The following LONRF2 variants were observed in gnomAD, a reference collection of about 807,000 sequenced individuals.
LONRF2 encodes LON peptidase N-terminal domain and RING finger protein 2.
In LONRF2, 35 loss-of-function variants were observed where a neutral mutation model predicts 66.6. That is an observed-to-expected ratio of 0.53 (90% CI 0.40 to 0.70). LONRF2 has a LOEUF of 0.70. LONRF2 is among the 30% of genes least tolerant of loss of function. The pLI is 0.00. For missense variants in LONRF2, 902 were observed against 1,002.1 expected, an observed-to-expected ratio of 0.90 and a Z score of 1.35; for synonymous variants, 417 against 418.1, an observed-to-expected ratio of 1.00 and a Z score of 0.03.
chr2:100,309,864 G>C (rs1675374211), intron 1 of LONRF2, among the ~76,000 whole-genome samples: 1 of 151,930 alleles, frequency 6.6e-6, no homozygotes, highest in South Asian at 2.1e-4. Flanking sequence ...GTAGAGATGG[G>C]GTTTCACCAT....
At chr2:100,297,863 A>G (rs1369251057) in intron 7 of LONRF2, among the ~76,000 whole-genome samples, 1 of 152,256 alleles carries the variant, frequency 6.6e-6, no homozygotes, top group Non-Finnish European at 1.5e-5. Flanking sequence ...AATTGTAACT[A>G]GTTATTTTAA....
chr2:100,286,117 G>GA (rs925425040), intron 11 of LONRF2, among the ~76,000 whole-genome samples: 24 of 149,444 alleles, frequency 1.6e-4, no homozygotes, highest in South Asian at 4.3e-4. Flanking sequence ...TCTGTGTTTG[G>GA]AAAAAAAAAG....
At chr2:100,318,126 A>G (rs1309412058) in intron 1 of LONRF2, among the ~76,000 whole-genome samples, 1 of 152,156 alleles carries the variant, frequency 6.6e-6, no homozygotes, top group East Asian at 1.9e-4. Flanking sequence ...TGTGTCTCAC[A>G]TAACTCCCAT....
Position 100,322,241 on chromosome 2 carries a change from G to C in LONRF2, c.-148C>G. On this transcript the variant is annotated 5_prime_UTR_variant, in exon 1 of 12. Coordinates refer to ENST00000393437, the MANE Select transcript of LONRF2 (RefSeq NM_198461.4). ...GGGGCGGCGCGCTGCGAGCGGCTGA[G>C]ACCGCGGGCGGGGGCGGGCGCCTGG... The C allele has an allele frequency of 1.4e-5, 10 of 697,252 alleles. No homozygotes were observed. Among genetic ancestry groups the C allele is most frequent in the Non-Finnish European group, 7.4e-6 (4 of 537,214 alleles). 43.2% of individuals were successfully genotyped at this position (697,252 alleles called of 1,614,324 possible).
At chr2:100,312,240 T>TA (rs1675424547) in intron 1 of LONRF2, among the ~76,000 whole-genome samples, 1 of 152,204 alleles carries the variant, frequency 6.6e-6, no homozygotes, top group African/African-American at 2.4e-5. Context: ...GTATTTTCCT[T>TA]AAAATTGTCC....
Position 100,302,927 on chromosome 2 carries a change from T to A in LONRF2, c.915A>T (p.Ala305=), listed in dbSNP as rs755040451. The A allele has an allele frequency of 1.9e-6, 3 of 1,601,460 alleles. No homozygotes were observed. The highest frequency in any genetic ancestry group is 2.6e-6 in the Non-Finnish European group (3 of 1,173,522). ...CCTTTAACAGAACTCATACCTTCTG[T>A]GCTTCTTTCTTCACAGAGTTACATT... ...NPECNSVKKE[A]QKVMCEVLFS... is the part of the protein sequence containing the mutation. The change falls in exon 3 of 12, where the codon GCA becomes GCT. Residue 305 remains alanine, a synonymous_variant. Coordinates refer to ENST00000393437, the MANE Select transcript of LONRF2 (RefSeq NM_198461.4).
rs1450660336 is a variant in LONRF2, at chr2:100,290,520, C to T, written c.1758-100G>A. ...TACTTTTAAAAGGAATACAAAGCCACACAAAACAGTGTCTCCACATCAGAC... is the reference window on the plus strand; with the variant it reads ...TACTTTTAAAAGGAATACAAAGCCATACAAAACAGTGTCTCCACATCAGAC... On this transcript the variant is annotated intron_variant, in intron 9 of 11. Transcript: ENST00000393437. 5 of 1,231,092 alleles carry T rather than the reference C, an allele frequency of 4.1e-6. No individual in the cohort carries two copies. The African/African-American group carries it at 7.5e-5, about 19-fold the overall frequency. 76.3% of individuals were successfully genotyped at this position (1,231,092 alleles called of 1,614,324 possible). A position where few individuals can be genotyped will look rare whatever the true frequency, so the allele number is the denominator to read the frequency against.
rs1004097279 is a variant in LONRF2, at chr2:100,277,245, T to C, written c.*7053A>G. The C allele has an allele frequency of 6.6e-6, 1 of 152,164 alleles. No homozygotes were observed. The highest frequency in any genetic ancestry group is 2.4e-5 in the African/African-American group (1 of 41,414). 9.4% of individuals were successfully genotyped at this position (152,164 alleles called of 1,614,324 possible). On this transcript the variant is annotated 3_prime_UTR_variant, in exon 12 of 12. Transcript: ENST00000393437. Reference sequence around the variant, plus strand: ...GTCTCTGGCCCACTTAGGATGGACATAAGGTGCCTAAGGGCTTTGGATGCA... The same window carrying C: ...GTCTCTGGCCCACTTAGGATGGACACAAGGTGCCTAAGGGCTTTGGATGCA...
chr2:100,296,166 A>G (rs780924401), intron 7 of LONRF2, among the ~76,000 whole-genome samples: 6 of 152,098 alleles, frequency 3.9e-5, no homozygotes, highest in Admixed American at 6.5e-5. Context: ...TGGAAGGGCC[A>G]CAATGTGGCT....
rs1463570565 is a variant in LONRF2 at position 100,286,953 on chromosome 2, A to G, written c.2031T>C (p.Ser677=). 6.2e-7 allele frequency: 1 copy of G among 1,614,104 alleles called. No homozygotes were observed. The highest frequency in any genetic ancestry group is 2.2e-5 in the East Asian group (1 of 44,872). ...CTCTGTCTGGCATTACCCCAAAATG[A>G]CTTAAAATTTGTTCTTTCATGCGAT... ...LQDRMKEQIL[S]HFGVMPDREP... is the part of the protein sequence containing the mutation. Residue 677 remains serine, a synonymous_variant, in exon 11 of 12, where the codon AGT becomes AGC. Transcript: ENST00000393437.
Position 100,274,791 on chromosome 2 carries a change from C to T in LONRF2, c.*9507G>A, listed in dbSNP as rs887397238. The T allele has an allele frequency of 3.3e-5, 5 of 152,998 alleles. No individual in the cohort carries two copies. Among genetic ancestry groups the T allele is most frequent in the African/African-American group, 9.6e-5 (4 of 41,604 alleles). 9.5% of individuals were successfully genotyped at this position (152,998 alleles called of 1,614,324 possible). ...CATGGAGACACAGTGGAAAGCTGCT[C>T]GCCTAGTTCTGCCTCCTGACCACTC... On this transcript the variant is annotated 3_prime_UTR_variant, in exon 12 of 12. Transcript: ENST00000393437.
At chr2:100,305,199 AAAAC>A (rs1228433455) in intron 2 of LONRF2, among the ~76,000 whole-genome samples, 5 of 152,208 alleles carry the variant, frequency 3.3e-5, no homozygotes, top group Admixed American at 2.6e-4. Flanking sequence ...GACAAAACAA[AAAAC>A]AAACAAACAA....
At chr2:100,321,169 G>A (rs995491329) in intron 1 of LONRF2, among the ~76,000 whole-genome samples, 2 of 152,152 alleles carry the variant, frequency 1.3e-5, no homozygotes, top group Admixed American at 6.5e-5. Context: ...GAGCTGCTCC[G>A]GGGGCCGCGG....
rs1157780933 is a variant in LONRF2, at chr2:100,280,398, A to G, written c.*3900T>C. 6.6e-6 allele frequency: 1 copy of G among 152,182 alleles called. No individual in the cohort carries two copies. Among genetic ancestry groups the G allele is most frequent in the Non-Finnish European group, 1.5e-5 (1 of 68,062 alleles). 9.4% of individuals were successfully genotyped at this position (152,182 alleles called of 1,614,324 possible). ...TGGGAATTAGTTTTTGGTGAACAAT[A>G]GAATCAGAATGTGGCCTTTGGGAAG... On this transcript the variant is annotated 3_prime_UTR_variant, in exon 12 of 12. Coordinates refer to ENST00000393437, the MANE Select transcript of LONRF2 (RefSeq NM_198461.4).
chr2:100,287,115 A>G (rs568819213), intron 10 of LONRF2, 52 bp from the exon 11 acceptor site: 2 of 1,553,240 alleles, frequency 1.3e-6, no homozygotes, highest in Non-Finnish European at 1.7e-6. Flanking sequence ...TAATGCACGT[A>G]ACACAGTCAG....
chr2:100,295,840 A>G lies in LONRF2; in HGVS notation c.1477-287T>C, dbSNP rs114872165. 4.7e-3 allele frequency among the ~76,000 whole-genome samples: 714 copies of G among 152,332 alleles called. 2 individuals carry two copies. The highest frequency in any genetic ancestry group is 7.3e-3 in the Non-Finnish European group (494 of 68,026). Reference sequence around the variant, plus strand: ...CCATGATGTTGGTGAGAGGGGAGGAAGTGAAGTAGGGCATGTTGGGAGAGG... The same window carrying G: ...CCATGATGTTGGTGAGAGGGGAGGAGGTGAAGTAGGGCATGTTGGGAGAGG... On this transcript the variant is annotated intron_variant, in intron 7 of 11. Transcript: ENST00000393437.
In LONRF2 at chr2:100,300,255, T is replaced by TA. The variant is rs574615010; in HGVS notation, c.1066-338_1066-337insT. The stretch of plus-strand genomic sequence containing the variant: ...ATTCAAATCATCCCTTTGCTTTATT[T>TA]TTTTTTAAATTACACTTTAAGTTCT... On this transcript the variant is annotated intron_variant, in intron 4 of 11. Transcript: ENST00000393437. 3.0e-4 allele frequency among the ~76,000 whole-genome samples: 46 copies of TA among 151,784 alleles called. No individual in the cohort carries two copies. In the South Asian group the frequency reaches 9.2e-3, roughly 30 times the overall value.
chr2:100,286,892 A>G (rs1302268846), intron 11 of LONRF2, 22 bp downstream of exon 11: 1 of 1,609,580 alleles, frequency 6.2e-7, no homozygotes, highest in Non-Finnish European at 8.5e-7. Context: ...ACAGAATTAT[A>G]AAGGAAAAAG....
At chr2:100,291,690 C>T (rs921555016) in intron 9 of LONRF2, among the ~76,000 whole-genome samples, 1 of 152,084 alleles carries the variant, frequency 6.6e-6, no homozygotes, top group Non-Finnish European at 1.5e-5. Flanking sequence ...AATGCTTCTG[C>T]TCTCCTGAAC....
Sources: gnomAD v4.1 joint callset for allele counts (sites outside exome capture counted in the v4.1 genomes callset) on GRCh38, gnomAD v4.1.1 for gene constraint, MANE v1.5 for transcripts, NCBI Gene and HGNC (gene_info 2026-07-23, HGNC 2026-07-21) for gene names.